The following ATG16L1 variants were observed in gnomAD, a reference collection of about 807,000 sequenced individuals.
The protein encoded by ATG16L1 is autophagy-related protein 16-1.
ATG16L1 carries 37 observed loss-of-function variants against 88.5 expected under a neutral mutation model. That is an observed-to-expected ratio of 0.42 (90% confidence interval 0.32 to 0.55). The LOEUF is 0.55. Ranked by LOEUF, ATG16L1 falls within the 20% of genes least tolerant of loss-of-function variation. The pLI, the probability that ATG16L1 is intolerant of heterozygous loss-of-function variation, is 0.13. For missense variants in ATG16L1, 554 were observed against 752.8 expected (o/e 0.74, Z 3.09); for synonymous variants, 301 against 281.0 (o/e 1.07, Z -0.71).
Position 233,251,887 on chromosome 2 carries a change from A to T in ATG16L1, c.60A>T (p.Gln20His). 6.4e-7 allele frequency: 1 copy of T among 1,551,094 alleles called. No homozygotes were observed. The change falls in exon 1 of 18, where the codon CAA becomes CAT. Residue 20 changes from glutamine to histidine, a missense_variant. Transcript: ENST00000392017. ...FPRWKRHISE[Q>H]LRRRDRLQRQ... is the part of the protein sequence containing the mutation. ...GCTGGAAGCGCCACATCTCGGAGCA[A>T]CTGAGGCGCCGGGACCGGCTGCAGA... is the stretch of plus-strand genomic sequence containing the variant.
In ATG16L1 at chr2:233,290,267, A is replaced by C; in HGVS notation, c.1344A>C (p.Ala448=). 1 of 1,614,082 alleles carries C rather than the reference A, an allele frequency of 6.2e-7. No homozygotes were observed. The highest frequency in any genetic ancestry group is 8.5e-7 in the Non-Finnish European group (1 of 1,179,914). Residue 448 remains alanine (A), a synonymous_variant, in exon 14 of 18, where the codon GCA becomes GCC. Coordinates refer to ENST00000392017, the MANE Select transcript of ATG16L1 (RefSeq NM_030803.7). ...RSKVCIKTVF[A]GSSCNDIVCT... ...TTTCAGGCATAAAGACAGTGTTTGC[A>C]GGATCCAGTTGCAATGATATTGTCT...
chr2:233,278,839 A>G (rs577686689), intron 10 of ATG16L1, among the ~76,000 whole-genome samples: 1 of 152,312 alleles, frequency 6.6e-6, no homozygotes, highest in South Asian at 2.1e-4. Context: ...ACTAAAATTT[A>G]CTATTTTGCC....
rs538829599 is a variant in ATG16L1, at chr2:233,263,533, G to A, written c.315+298G>A. Among the ~76,000 whole-genome samples the A allele has an allele frequency of 1.6e-4, 25 of 152,260 alleles. No individual in the cohort carries two copies. The South Asian group carries it at 2.1e-3, about 13-fold the overall frequency. Reference sequence around the variant, plus strand: ...AACAAAAAAGCCTGCTACCTGGTGCGCTGAAGGCCTCACTGATGGTTTCAT... The same window carrying A: ...AACAAAAAAGCCTGCTACCTGGTGCACTGAAGGCCTCACTGATGGTTTCAT... On this transcript the variant is annotated intron_variant, in intron 3 of 17. Transcript: ENST00000392017.
chr2:233,282,724 A>G lies in ATG16L1; in HGVS notation c.1174A>G (p.Ile392Val). 1 of 1,614,132 alleles carries G rather than the reference A, an allele frequency of 6.2e-7. No individual in the cohort carries two copies. The highest frequency in any genetic ancestry group is 8.5e-7 in the Non-Finnish European group (1 of 1,179,986). Residue 392 changes from isoleucine (I) to valine (V), a missense_variant, in exon 12 of 18, where the codon ATC (isoleucine) becomes GTC (valine). By Grantham distance (29) the Ile-to-Val change is conservative. Coordinates refer to ENST00000392017, the MANE Select transcript of ATG16L1 (RefSeq NM_030803.7). ...LAASNDFASR[I>V]WTVDDYRLRH... ...AGCTTCAAATGATTTTGCAAGCCGA[A>G]TCTGGACTGTGGATGATTATCGATT...
At chr2:233,267,851 C>T (rs966863070) in intron 5 of ATG16L1, among the ~76,000 whole-genome samples, 1 of 152,184 alleles carries the variant, frequency 6.6e-6, no homozygotes, top group Non-Finnish European at 1.5e-5. Flanking sequence ...AAAATGCTGT[C>T]CTCATTCCCT....
intron 12 of ATG16L1, among the ~76,000 whole-genome samples, chr2:233,284,846 TTTC>T (rs1286131861): frequency 1.3e-5 from 2 of 152,168 alleles, no homozygotes; most frequent in East Asian, 3.9e-4. Flanking sequence ...TTCTGGTGAT[TTTC>T]TTGAGAGGGT....
intron 1 of ATG16L1, among the ~76,000 whole-genome samples, 179 bp downstream of exon 1, chr2:233,252,121 A>G (rs1559370598): frequency 6.6e-6 from 1 of 152,182 alleles, no homozygotes; most frequent in Non-Finnish European, 1.5e-5. Context: ...CCTGCGTTTT[A>G]TCTTTGGAGG....
chr2:233,289,408 T>TGTGTGTGTGAGAGA (rs144316394), intron 12 of ATG16L1, among the ~76,000 whole-genome samples: 23 of 149,534 alleles, frequency 1.5e-4, no homozygotes, highest in African/African-American at 5.5e-4. Flanking sequence ...TGTGTGTGTG[T>TGTGTGTGTGAGAGA]GACAGGATCT....
At chr2:233,290,466 A>C (rs1284737621) in intron 14 of ATG16L1, 113 bp downstream of exon 14, 3 of 831,096 alleles carry the variant, frequency 3.6e-6, no homozygotes, top group African/African-American at 1.7e-5. Flanking sequence ...GTTTCGGTAC[A>C]CGTATAGTGT....
chr2:233,288,959 AG>A (rs760549989), intron 12 of ATG16L1: 5 of 511,520 alleles, frequency 9.8e-6, no homozygotes, highest in Non-Finnish European at 2.0e-5. Flanking sequence ...AAAATCCCCC[AG>A]GGGTTTTAAT....
intron 1 of ATG16L1, among the ~76,000 whole-genome samples, chr2:233,252,653 G>C (rs1262434151): frequency 6.6e-6 from 1 of 152,102 alleles, no homozygotes; most frequent in Non-Finnish European, 1.5e-5. Flanking sequence ...CTCCCAAAGT[G>C]CTGGGATTAT....
intron 1 of ATG16L1, among the ~76,000 whole-genome samples, chr2:233,255,870 A>C (rs1432478079): frequency 6.6e-6 from 1 of 152,152 alleles, no homozygotes; most frequent in Non-Finnish European, 1.5e-5. Context: ...CATTGTGTTT[A>C]GTGTGTTTTT....
intron 1 of ATG16L1, among the ~76,000 whole-genome samples, chr2:233,252,586 CTG>C (rs915329892): frequency 6.6e-6 from 1 of 152,096 alleles, no homozygotes; most frequent in African/African-American, 2.4e-5. Context: ...CGAGGTCTCA[CTG>C]TGTTTCCCAG....
chr2:233,257,238 C>T (rs1361915064), intron 2 of ATG16L1, among the ~76,000 whole-genome samples: 3 of 151,970 alleles, frequency 2.0e-5, no homozygotes, highest in Non-Finnish European at 4.4e-5. Context: ...ACCGTGTTAG[C>T]CAGGATGGTC....
chr2:233,281,232 G>A, intron 11 of ATG16L1, 57 bp downstream of exon 11: 4 of 1,311,048 alleles, frequency 3.1e-6, no homozygotes, highest in East Asian at 2.4e-5. Flanking sequence ...AAGACATTAG[G>A]TTCTTGAAAT....
At chr2:233,257,530 C>T (rs1696877258) in intron 2 of ATG16L1, among the ~76,000 whole-genome samples, 1 of 152,118 alleles carries the variant, frequency 6.6e-6, no homozygotes, top group South Asian at 2.1e-4. Context: ...TAAGTGTAAC[C>T]TATGATACTC....
At chr2:233,265,670 A>T (rs997756355) in intron 5 of ATG16L1, among the ~76,000 whole-genome samples, 1 of 152,056 alleles carries the variant, frequency 6.6e-6, no homozygotes, top group Non-Finnish European at 1.5e-5. Flanking sequence ...GAGTTTCACC[A>T]TGTTGGCCAG....
At position 233,251,948 on chromosome 2, in the gene ATG16L1, C is replaced by T. The variant is rs1178762830; in HGVS notation, c.115+6C>T. On this transcript the variant is annotated splice_donor_region_variant and intron_variant, in intron 1 of 17. Transcript: ENST00000392017. ...CGAGGAGATCATCCTGCAGTGTGAGCGGCGCCGGTGCGGGCTGGGAGTGGG... is the reference window on the plus strand; with the variant it reads ...CGAGGAGATCATCCTGCAGTGTGAGTGGCGCCGGTGCGGGCTGGGAGTGGG... 3.3e-6 allele frequency: 5 copies of T among 1,537,282 alleles called. No individual in the cohort carries two copies. In the Admixed American group the frequency reaches 7.9e-5, roughly 24 times the overall value.
intron 2 of ATG16L1, among the ~76,000 whole-genome samples, chr2:233,257,093 G>C (rs562337238): frequency 2.6e-5 from 4 of 151,650 alleles, no homozygotes; most frequent in Admixed American, 2.6e-4. Context: ...GCAGTGGCGC[G>C]TTCTGGGCTC....
Sources: gnomAD v4.1 joint callset for allele counts (sites outside exome capture counted in the v4.1 genomes callset) on GRCh38, gnomAD v4.1.1 for gene constraint, MANE v1.5 for transcripts, NCBI Gene and HGNC (gene_info 2026-07-23, HGNC 2026-07-21) for gene names.